Variants in CCDC192 observed in about 807,000 individuals in gnomAD.
The protein encoded by CCDC192 is coiled-coil domain containing 192.
chr5:127,783,974 A>G (rs755782491), intron 3 of CCDC192, among the ~76,000 whole-genome samples: 6 of 152,096 alleles, frequency 3.9e-5, no homozygotes, highest in Non-Finnish European at 8.8e-5. Context: ...TTTGGTGTCC[A>G]TTCATATGAA....
intron 2 of CCDC192, among the ~76,000 whole-genome samples, chr5:127,746,642 C>T (rs1180280975): frequency 1.3e-5 from 2 of 150,272 alleles, no homozygotes; most frequent in African/African-American, 4.9e-5. Flanking sequence ...TTTTTGAACC[C>T]ATTTTTGAAA....
intron 5 of CCDC192, among the ~76,000 whole-genome samples, chr5:127,840,491 A>T (rs1438180347): frequency 6.6e-6 from 1 of 152,208 alleles, no homozygotes; most frequent in Non-Finnish European, 1.5e-5. Flanking sequence ...ATAAAGACAT[A>T]CATATAGGAA....
intron 5 of CCDC192, among the ~76,000 whole-genome samples, chr5:127,826,722 C>T (rs925878727): frequency 6.7e-6 from 1 of 150,212 alleles, no homozygotes; most frequent in African/African-American, 2.5e-5. Flanking sequence ...ATATCCCAAA[C>T]CTCAGCATCA....
At chr5:127,766,668 C>A (rs73783969) in intron 3 of CCDC192, among the ~76,000 whole-genome samples, 135 of 149,952 alleles carry the variant, frequency 9.0e-4, no homozygotes, top group African/African-American at 3.1e-3. Context: ...ACTCGAACTA[C>A]CTCAAATATG....
chr5:127,935,242 A>C (rs1300760436), intron 6 of CCDC192: 1 of 152,190 alleles, frequency 6.6e-6, no homozygotes. Flanking sequence ...CTCTATGTGC[A>C]GGTTCCCAAA....
intron 2 of CCDC192, chr5:127,740,128 A>G (rs1427920325): frequency 6.6e-6 from 1 of 152,240 alleles, no homozygotes; most frequent in East Asian, 1.9e-4. Flanking sequence ...GGCAGTCAAA[A>G]CAGCTTGCCA....
chr5:127,712,793 A>G (rs1255053229), intron 2 of CCDC192, among the ~76,000 whole-genome samples: 1 of 152,232 alleles, frequency 6.6e-6, no homozygotes, highest in African/African-American at 2.4e-5. Context: ...TGGTAGAGTC[A>G]TATGGTAGGT....
rs534584830 is a variant in CCDC192 at position 127,779,184 on chromosome 5, A to G, written c.223-17919A>G. Reference sequence around the variant, plus strand: ...GATGTGACATCTTTTTCATTTTGTAATGTAGGCATTTTCAGCTATAAACTT... The same window carrying G: ...GATGTGACATCTTTTTCATTTTGTAGTGTAGGCATTTTCAGCTATAAACTT... On this transcript the variant is annotated intron_variant, in intron 3 of 6. Transcript: ENST00000514853. 4.6e-5 allele frequency among the ~76,000 whole-genome samples: 7 copies of G among 152,108 alleles called. No homozygotes were observed. The East Asian group carries it at 1.4e-3, about 29-fold the overall frequency.
At chr5:127,707,502 T>G (rs1751039837) in intron 1 of CCDC192, among the ~76,000 whole-genome samples, 1 of 152,176 alleles carries the variant, frequency 6.6e-6, no homozygotes, top group African/African-American at 2.4e-5. Context: ...TTAAAGGCTA[T>G]TTTATCTTCT....
chr5:127,795,604 A>G (rs558379328), intron 3 of CCDC192, among the ~76,000 whole-genome samples: 4 of 152,016 alleles, frequency 2.6e-5, no homozygotes, highest in Admixed American at 6.6e-5. Context: ...TTTTTAAGAC[A>G]GAGTCTCACT....
intron 6 of CCDC192, among the ~76,000 whole-genome samples, chr5:127,907,278 T>G (rs533841387): frequency 2.6e-5 from 4 of 152,210 alleles, no homozygotes; most frequent in South Asian, 2.1e-4. Context: ...ATAAAATAAT[T>G]CATTTATATA....
intron 6 of CCDC192, among the ~76,000 whole-genome samples, chr5:127,896,270 T>C (rs940410005): frequency 2.0e-5 from 3 of 151,940 alleles, no homozygotes; most frequent in African/African-American, 7.3e-5. Flanking sequence ...GAGACCCCCG[T>C]CCCTACAAAT....
At chr5:127,816,004 CT>C (rs1749008053) in intron 5 of CCDC192, among the ~76,000 whole-genome samples, 1 of 152,098 alleles carries the variant, frequency 6.6e-6, no homozygotes, top group Non-Finnish European at 1.5e-5. Flanking sequence ...CATATTTTGT[CT>C]CTAAAAGGTT....
chr5:127,876,891 A>G (rs1455891222), intron 6 of CCDC192, among the ~76,000 whole-genome samples: 1 of 152,198 alleles, frequency 6.6e-6, no homozygotes, highest in Non-Finnish European at 1.5e-5. Context: ...TGAACTTGAA[A>G]CAGTTTTTTC....
At chr5:127,778,924 CTT>C (rs906455951) in intron 3 of CCDC192, among the ~76,000 whole-genome samples, 2 of 151,990 alleles carry the variant, frequency 1.3e-5, no homozygotes, top group African/African-American at 4.8e-5. Flanking sequence ...ATACTAGTAT[CTT>C]ATAATCCTTT....
intron 6 of CCDC192, among the ~76,000 whole-genome samples, chr5:127,930,663 T>A (rs577732967): frequency 5.9e-4 from 90 of 152,366 alleles, no homozygotes; most frequent in African/African-American, 2.1e-3. Context: ...CTGTAAAATA[T>A]TCTGATGTGG....
intron 2 of CCDC192, among the ~76,000 whole-genome samples, chr5:127,738,746 G>A (rs188670709): frequency 8.5e-5 from 13 of 152,066 alleles, no homozygotes; most frequent in South Asian, 4.2e-4. Flanking sequence ...TTCTGCATTC[G>A]TCACGTAGTT....
At chr5:127,772,704 T>C (rs985480565) in intron 3 of CCDC192, among the ~76,000 whole-genome samples, 3 of 152,140 alleles carry the variant, frequency 2.0e-5, no homozygotes, top group African/African-American at 7.2e-5. Context: ...GTGTCAGAAA[T>C]GATCTCTTAT....
chr5:127,926,139 A>G (rs1372740176), intron 6 of CCDC192, among the ~76,000 whole-genome samples: 1 of 152,218 alleles, frequency 6.6e-6, no homozygotes, highest in Non-Finnish European at 1.5e-5. Context: ...ACACTCAGCA[A>G]TGTATGAGTC....
Sources: gnomAD v4.1 joint callset for allele counts (sites outside exome capture counted in the v4.1 genomes callset) on GRCh38, gnomAD v4.1.1 for gene constraint, MANE v1.5 for transcripts, NCBI Gene and HGNC (gene_info 2026-07-23, HGNC 2026-07-21) for gene names.